The following PTPRN2 variants were observed in gnomAD, a reference collection of about 807,000 sequenced individuals.
PTPRN2 encodes receptor-type tyrosine-protein phosphatase N2.
Under a neutral mutation model 118.8 loss-of-function variants are expected in PTPRN2, and 74 were observed. The observed-to-expected ratio is 0.62, with a 90% confidence interval of 0.52 to 0.76. The LOEUF (loss-of-function observed/expected upper bound fraction) is 0.76. PTPRN2 is among the 30% of genes least tolerant of loss of function. The pLI, the probability that PTPRN2 is intolerant of heterozygous loss-of-function variation, is 0.00. For synonymous variants in PTPRN2, 641 were observed against 608.0 expected (o/e 1.05, Z -0.80); for missense variants, 1,481 against 1,394.4 (o/e 1.06, Z -0.99).
chr7:158,080,873 G>A (rs1022986760), intron 11 of PTPRN2, among the ~76,000 whole-genome samples: 9 of 152,296 alleles, frequency 5.9e-5, no homozygotes, highest in African/African-American at 1.9e-4. Context: ...GAGCAGGGCC[G>A]GTGTGTGCTC....
At chr7:158,011,803 G>A (rs1248100347) in intron 11 of PTPRN2, among the ~76,000 whole-genome samples, 1 of 152,150 alleles carries the variant, frequency 6.6e-6, no homozygotes. Flanking sequence ...TATGCGAGAT[G>A]AGTTTTGTTT....
At chr7:158,123,764 G>A (rs1386071587) in intron 9 of PTPRN2, among the ~76,000 whole-genome samples, 1 of 152,186 alleles carries the variant, frequency 6.6e-6, no homozygotes, top group East Asian at 1.9e-4. Flanking sequence ...AGGTACGGAA[G>A]GTCTATATAG....
At position 157,617,606 on chromosome 7, in the gene PTPRN2, GT is replaced by G. The variant is rs1354750661; in HGVS notation, c.2344+3755del. The G allele has an allele frequency of 2.0e-5, 3 of 152,384 alleles. No homozygotes were observed. The highest frequency in any genetic ancestry group is 1.3e-4 in the Admixed American group (2 of 15,296). 9.4% of individuals were successfully genotyped at this position (152,384 alleles called of 1,614,324 possible). A position where few individuals can be genotyped will look rare whatever the true frequency, so the allele number is the denominator to read the frequency against. On this transcript the variant is annotated intron_variant, in intron 15 of 22. Coordinates refer to ENST00000389418, the MANE Select transcript of PTPRN2 (RefSeq NM_002847.5). This position sits in a 1 kb window ranked among gnomAD's most constrained non-coding sequence, Gnocchi z 7.5. ...CTCAAGCAGCTGCAGCGCAGGGCCAGTGTGGTGACCCTGACTCCTGGGAACG... is the reference window on the plus strand; with the variant it reads ...CTCAAGCAGCTGCAGCGCAGGGCCAGGTGGTGACCCTGACTCCTGGGAACG...
chr7:157,955,847 GGA>G (rs1206877495), intron 11 of PTPRN2, among the ~76,000 whole-genome samples: 1 of 152,202 alleles, frequency 6.6e-6, no homozygotes, highest in Non-Finnish European at 1.5e-5. Context: ...GTGGAGGTCA[GGA>G]GAGTCTCAAA....
At chr7:158,457,474 AGCACACG>A (rs1422964178) in intron 2 of PTPRN2, among the ~76,000 whole-genome samples, 22 of 152,040 alleles carry the variant, frequency 1.4e-4, no homozygotes, top group African/African-American at 4.8e-4. Flanking sequence ...GGCCCCAGTC[AGCACACG>A]GTGAGGGGCG....
intron 4 of PTPRN2, among the ~76,000 whole-genome samples, chr7:158,198,255 G>T (rs1234184100): frequency 6.6e-6 from 1 of 152,202 alleles, no homozygotes; most frequent in East Asian, 1.9e-4. Context: ...ACGGCAATGA[G>T]AGGGTTTATC....
In PTPRN2 at chr7:158,329,834, G is replaced by T. The variant is rs376353728; in HGVS notation, c.164-12902C>A. Among the ~76,000 whole-genome samples, 7 of 152,208 alleles carry T rather than the reference G, an allele frequency of 4.6e-5. 1 individual carries two copies. In the South Asian group the frequency reaches 1.5e-3, roughly 32 times the overall value. ...CACCGCTCGAGGCTGTGTCCTCTACGGAGACTCACTTTCACTTTAGACTGT... is the reference window on the plus strand; with the variant it reads ...CACCGCTCGAGGCTGTGTCCTCTACTGAGACTCACTTTCACTTTAGACTGT... On this transcript the variant is annotated intron_variant, in intron 2 of 22. Transcript: ENST00000389418.
chr7:158,576,703 T>C (rs112487671), intron 1 of PTPRN2, among the ~76,000 whole-genome samples: 1,883 of 152,066 alleles, frequency 0.012, 41 homozygotes, highest in African/African-American at 0.043. Flanking sequence ...TGGCTCCCAG[T>C]CCTGCCCGAT....
chr7:158,123,508 T>C (rs1004050246), intron 9 of PTPRN2, among the ~76,000 whole-genome samples: 1 of 152,254 alleles, frequency 6.6e-6, no homozygotes, highest in Admixed American at 6.5e-5. Context: ...GAGGTTTTGA[T>C]GCTTTGTGCA....
chr7:158,058,379 C>T (rs1375545578), intron 11 of PTPRN2, among the ~76,000 whole-genome samples: 1 of 140,728 alleles, frequency 7.1e-6, no homozygotes, highest in Non-Finnish European at 1.5e-5. Context: ...TCACTGCAGC[C>T]ACACTCCATC....
At chr7:158,273,788 C>A (rs1368019538) in intron 3 of PTPRN2, among the ~76,000 whole-genome samples, 1 of 84,440 alleles carries the variant, frequency 1.2e-5, no homozygotes, top group Non-Finnish European at 2.3e-5. Flanking sequence ...GCCGCAGACA[C>A]GGGGAGCCGC....
At chr7:158,009,760 A>G (rs1254631437) in intron 11 of PTPRN2, among the ~76,000 whole-genome samples, 4 of 152,204 alleles carry the variant, frequency 2.6e-5, no homozygotes, top group Non-Finnish European at 4.4e-5. Context: ...TCAATCTTTG[A>G]GCTTTGTTGG....
intron 12 of PTPRN2, among the ~76,000 whole-genome samples, chr7:157,688,177 T>C (rs1475671251): frequency 1.3e-5 from 2 of 152,250 alleles, no homozygotes; most frequent in Non-Finnish European, 2.9e-5. Flanking sequence ...AGTTGGGATA[T>C]ACTGTTTTAA....
chr7:157,772,290 A>AACACACAGACATGCACACAAAGACAT (rs1802908317), intron 12 of PTPRN2, among the ~76,000 whole-genome samples: 1 of 121,416 alleles, frequency 8.2e-6, no homozygotes, highest in African/African-American at 2.9e-5. Context: ...CAGACACACA[A>AACACACAGACATGCACACAAAGACAT]ACACACAGAC....
At chr7:158,506,210 C>T (rs968140150) in intron 1 of PTPRN2, among the ~76,000 whole-genome samples, 5 of 152,278 alleles carry the variant, frequency 3.3e-5, no homozygotes, top group East Asian at 1.9e-4. Flanking sequence ...GTGGAACAGG[C>T]GGGCCATTAG....
intron 12 of PTPRN2, among the ~76,000 whole-genome samples, chr7:157,712,771 A>AGGGGG (rs1798714026): frequency 6.9e-6 from 1 of 145,508 alleles, no homozygotes; most frequent in Non-Finnish European, 1.5e-5. Context: ...AAAAAAAAAA[A>AGGGGG]AAAGGGAAAT....
chr7:157,947,330 A>G (rs750784442), intron 11 of PTPRN2, among the ~76,000 whole-genome samples: 4 of 152,236 alleles, frequency 2.6e-5, no homozygotes, highest in Non-Finnish European at 4.4e-5. Flanking sequence ...CTAATTTTAA[A>G]AATCAGCAGT....
intron 13 of PTPRN2, among the ~76,000 whole-genome samples, chr7:157,658,697 G>C (rs775807079): frequency 3.9e-5 from 6 of 152,236 alleles, no homozygotes; most frequent in Non-Finnish European, 8.8e-5. Flanking sequence ...TAACCACTGT[G>C]TTAGGATAGC....
At chr7:157,547,970 C>A (rs1227960857) in intron 22 of PTPRN2, among the ~76,000 whole-genome samples, 2 of 152,184 alleles carry the variant, frequency 1.3e-5, no homozygotes, top group Non-Finnish European at 2.9e-5. Context: ...CATCGCTGGG[C>A]CTGTTGGTCA....
Sources: gnomAD v4.1 joint callset for allele counts (sites outside exome capture counted in the v4.1 genomes callset) on GRCh38, gnomAD v4.1.1 for gene constraint, Gnocchi (gnomAD v3.1) non-coding constraint, MANE v1.5 for transcripts, NCBI Gene and HGNC (gene_info 2026-07-23, HGNC 2026-07-21) for gene names.